The following WDFY4 variants were observed in gnomAD, a reference collection of about 807,000 sequenced individuals.
The protein encoded by WDFY4 is WDFY family member 4, also known as WD repeat- and FYVE domain-containing protein 4.
A neutral mutation model predicts 351.9 loss-of-function variants in WDFY4; 169 were observed. The observed-to-expected ratio is 0.48, with a 90% confidence interval of 0.42 to 0.55. The LOEUF (loss-of-function observed/expected upper bound fraction) is 0.55. WDFY4 is among the 20% of genes least tolerant of loss of function. The probability of loss-of-function intolerance (pLI) is 0.00; values close to 1 mark genes in which losing one functional copy is unlikely to be tolerated. For missense variants in WDFY4, 3,803 were observed against 3,935.6 expected, an observed-to-expected ratio of 0.97 and a Z score of 0.90; for synonymous variants, 1,622 against 1,574.6, an observed-to-expected ratio of 1.03 and a Z score of -0.71.
At chr10:48,779,706 G>A (rs187337607) in intron 18 of WDFY4, among the ~76,000 whole-genome samples, 104 of 152,298 alleles carry the variant, frequency 6.8e-4, no homozygotes, top group African/African-American at 2.2e-3. Flanking sequence ...TACCTCACAG[G>A]GCTGTGAACA....
chr10:48,723,400 C>T, intron 4 of WDFY4, 33 bp from the exon 5 acceptor site: 1 of 1,545,464 alleles, frequency 6.5e-7, no homozygotes, highest in Non-Finnish European at 8.7e-7. Context: ...TGCTGCCTTG[C>T]TGCCTGGGGT....
chr10:48,721,221 G>A, intron 3 of WDFY4, 40 bp from the exon 4 acceptor site: 3 of 1,535,362 alleles, frequency 2.0e-6, no homozygotes, highest in South Asian at 1.2e-5. Flanking sequence ...AGCTGAGTGG[G>A]CAGGTCGCTG....
At chr10:48,935,465 G>A (rs1266700068) in intron 47 of WDFY4, among the ~76,000 whole-genome samples, 2 of 152,176 alleles carry the variant, frequency 1.3e-5, no homozygotes, top group East Asian at 1.9e-4. Context: ...CTATGGCAAC[G>A]GCCAAGCGGA....
intron 20 of WDFY4, among the ~76,000 whole-genome samples, chr10:48,787,943 T>C (rs927435929): frequency 2.2e-4 from 22 of 99,130 alleles, no homozygotes; most frequent in African/African-American, 7.3e-4. Flanking sequence ...CTTCTTCTTC[T>C]TCTTCTTCTT....
intron 13 of WDFY4, among the ~76,000 whole-genome samples, chr10:48,762,652 T>C (rs1183865630): frequency 6.6e-6 from 1 of 152,216 alleles, no homozygotes; most frequent in Non-Finnish European, 1.5e-5. Flanking sequence ...GTTCCTAAGC[T>C]GGCTTAGCTG....
At chr10:48,726,551 G>A (rs2064274518) in intron 6 of WDFY4, among the ~76,000 whole-genome samples, 1 of 152,212 alleles carries the variant, frequency 6.6e-6, no homozygotes, top group Middle Eastern at 3.2e-3. Context: ...GGAACTATGT[G>A]TAGGGGTTAA....
intron 24 of WDFY4, among the ~76,000 whole-genome samples, chr10:48,800,605 G>A (rs902193906): frequency 6.6e-6 from 1 of 152,152 alleles, no homozygotes; most frequent in Non-Finnish European, 1.5e-5. Flanking sequence ...GTAAGGCAGG[G>A]TTGGACAGAA....
At chr10:48,773,253 G>A (rs145767657) in intron 13 of WDFY4, among the ~76,000 whole-genome samples, 12 of 152,346 alleles carry the variant, frequency 7.9e-5, no homozygotes, top group South Asian at 4.1e-4. Flanking sequence ...AGGGGAAGCC[G>A]TGGCAGGTAT....
Position 48,970,210 on chromosome 10 carries a change from C to T in WDFY4, c.8849C>T (p.Thr2950Ile). The T allele has an allele frequency of 6.4e-7, 1 of 1,551,746 alleles. No individual in the cohort carries two copies. ...TGCCCATCCCCAACAACGATTGTCA[C>T]CTCTGGGACCAGCACTGTGGTGTGT... is the stretch of plus-strand genomic sequence containing the variant. Reference protein sequence around the residue: ...AVCPSPTTIVTSGTSTVVCVW... With the variant: ...AVCPSPTTIVISGTSTVVCVW... The change falls in exon 57 of 62, where the codon ACC (threonine) becomes ATC (isoleucine). Residue 2950 changes from threonine (T) to isoleucine (I), a missense_variant. By Grantham distance (89) the Thr-to-Ile change is moderately conservative. This residue lies in a region of WDFY4 where 3,054 missense variants were observed against 3,148.6 expected (regional missense o/e 0.97). Transcript: ENST00000325239.
chr10:48,974,527 A>AAAAAAAAAAAAAAACAAACAAAACAAC, intron 57 of WDFY4, among the ~76,000 whole-genome samples: 2 of 23,198 alleles, frequency 8.6e-5, no homozygotes, highest in Non-Finnish European at 3.7e-4. Flanking sequence ...AAAAAAAAAA[A>AAAAAAAAAAAAAAACAAACAAAACAAC]AACAACTCAT....
Position 48,812,190 on chromosome 10 carries a change from G to GTTTTT in WDFY4, c.5214+486_5214+490dup, listed in dbSNP as rs199764757. On this transcript the variant is annotated intron_variant, in intron 30 of 61. Transcript: ENST00000325239. ...TCTTTCTTTCTTTTCTTTTTTTTTT[G>GTTTTT]TTTTTTTTGTTTTTTTTTGAGACAG... Among the ~76,000 whole-genome samples, 46 of 137,534 alleles carry GTTTTT rather than the reference G, an allele frequency of 3.3e-4. 3 individuals are homozygous for GTTTTT. The highest frequency in any genetic ancestry group is 6.9e-4 in the African/African-American group (23 of 33,454). 90.2% of individuals were successfully genotyped at this position (137,534 alleles called of 152,430 possible).
intron 47 of WDFY4, among the ~76,000 whole-genome samples, chr10:48,925,450 C>T (rs1055498566): frequency 2.6e-5 from 4 of 152,176 alleles, no homozygotes; most frequent in African/African-American, 9.7e-5. Flanking sequence ...GAGAATTACC[C>T]CTTGTCCAAA....
At chr10:48,727,312 G>T (rs963277732) in intron 6 of WDFY4, among the ~76,000 whole-genome samples, 158 bp from the exon 7 acceptor site, 1 of 152,136 alleles carries the variant, frequency 6.6e-6, no homozygotes, top group African/African-American at 2.4e-5. Context: ...ACTTTCTCTG[G>T]GGTGGTCTTC....
intron 3 of WDFY4, among the ~76,000 whole-genome samples, chr10:48,720,944 T>A (rs1400046977): frequency 6.6e-6 from 1 of 152,162 alleles, no homozygotes; most frequent in Non-Finnish European, 1.5e-5. Flanking sequence ...GACTGTGTGA[T>A]CCAGGAAGTA....
At position 48,821,058 on chromosome 10, in the gene WDFY4, C is replaced by T. The variant is rs965553658; in HGVS notation, c.5710-4C>T. The T allele has an allele frequency of 1.3e-6, 2 of 1,550,594 alleles. No homozygotes were observed. The highest frequency in any genetic ancestry group is 1.7e-6 in the Non-Finnish European group (2 of 1,146,108). ...GCTGTCTCAGTCCCGGGCTGTGCTT[C>T]CAGGCTTCTCCAGACCACGCCACCA... On this transcript the variant is annotated splice_polypyrimidine_tract_variant and splice_region_variant and intron_variant, in intron 33 of 61. Coordinates refer to ENST00000325239, the MANE Select transcript of WDFY4 (RefSeq NM_001394531.1).
intron 43 of WDFY4, among the ~76,000 whole-genome samples, chr10:48,883,276 G>A (rs545856356): frequency 6.6e-6 from 1 of 152,324 alleles, no homozygotes; most frequent in Admixed American, 6.5e-5. Context: ...CCTTATCCCT[G>A]GACCACTATG....
At chr10:48,902,046 C>T (rs768529380) in intron 47 of WDFY4, among the ~76,000 whole-genome samples, 183 bp downstream of exon 47, 1 of 152,250 alleles carries the variant, frequency 6.6e-6, no homozygotes, top group Non-Finnish European at 1.5e-5. Flanking sequence ...CCAGTTAAAC[C>T]TCTGTGAACA....
chr10:48,867,241 T>G lies in WDFY4; in HGVS notation c.6664-24T>G, dbSNP rs771509008. On this transcript the variant is annotated intron_variant, in intron 39 of 61. Transcript: ENST00000325239. ...TAAAATCACAACTATCATTAAGCTGTGACTTGTTTTCTCCTTTCTCCAGGA... is the reference window on the plus strand; with the variant it reads ...TAAAATCACAACTATCATTAAGCTGGGACTTGTTTTCTCCTTTCTCCAGGA... 4.9e-6 allele frequency: 6 copies of G among 1,215,612 alleles called. No homozygotes were observed. The African/African-American group carries it at 9.7e-5, about 20-fold the overall frequency. 75.3% of individuals were successfully genotyped at this position (1,215,612 alleles called of 1,614,324 possible).
At chr10:48,844,596 C>A (rs2620907) in intron 39 of WDFY4, among the ~76,000 whole-genome samples, 86,784 of 151,726 alleles carry the variant, frequency 0.57, 26,439 homozygotes, top group African/African-American at 0.79. Flanking sequence ...CCTTCTCGAA[C>A]AAAAAAGAAA....
Sources: gnomAD v4.1 joint callset for allele counts (sites outside exome capture counted in the v4.1 genomes callset) on GRCh38, gnomAD v4.1.1 for gene constraint, gnomAD v4.1.1 regional missense constraint, MANE v1.5 for transcripts, NCBI Gene and HGNC (gene_info 2026-07-23, HGNC 2026-07-21) for gene names.